The following NRG1 variants were observed in gnomAD, a reference collection of about 807,000 sequenced individuals.
NRG1 encodes the protein pro-neuregulin-1, membrane-bound isoform.
In NRG1, 18 loss-of-function variants were observed where a neutral mutation model predicts 63.8. The ratio of observed to expected loss-of-function variants is 0.28; its 90% CI spans 0.19 to 0.42. The LOEUF (loss-of-function observed/expected upper bound fraction) is 0.42, where lower values mean the gene tolerates loss of function less well. Among genes scored for constraint, NRG1 ranks in the 10% least tolerant of loss-of-function variants. NRG1 has a pLI of 1.00. For missense variants in NRG1, 762 were observed against 814.7 expected, an observed-to-expected ratio of 0.94 and a Z score of 0.79; for synonymous variants, 302 against 301.3, an observed-to-expected ratio of 1.00 and a Z score of -0.02.
chr8:31,680,401 C>T lies in NRG1; in HGVS notation c.37+40970C>T, dbSNP rs529975650. Among the ~76,000 whole-genome samples, 1,974 of 151,582 alleles carry T rather than the reference C, an allele frequency of 0.013. 61 individuals are homozygous for T. In the South Asian group the frequency reaches 0.14, roughly 11 times the overall value. On this transcript the variant is annotated intron_variant, in intron 1 of 10. Coordinates refer to the NRG1 transcript ENST00000519301. ...GTGAGATTATGCAGTGTTTGGTTTT[C>T]TGTTCTTGCGATAGTTTACTGAGAA...
chr8:32,117,105 G>T (rs1832831403), intron 1 of NRG1, among the ~76,000 whole-genome samples: 2 of 151,902 alleles, frequency 1.3e-5, no homozygotes, highest in Non-Finnish European at 2.9e-5. Context: ...TGATGCCATT[G>T]CACTCCAGCC....
At chr8:32,328,693 A>T (rs1335038612) in intron 1 of NRG1, among the ~76,000 whole-genome samples, 4 of 152,114 alleles carry the variant, frequency 2.6e-5, no homozygotes, top group Non-Finnish European at 5.9e-5. Flanking sequence ...ACTTGCCTTC[A>T]GTGTTCTTAG....
chr8:32,090,186 T>C (rs1828896469), intron 1 of NRG1, among the ~76,000 whole-genome samples: 1 of 152,210 alleles, frequency 6.6e-6, no homozygotes. Context: ...GAATCATACC[T>C]TACATAGATC....
At chr8:31,956,273 A>C (rs1007574467) in intron 1 of NRG1, among the ~76,000 whole-genome samples, 2 of 152,086 alleles carry the variant, frequency 1.3e-5, no homozygotes, top group South Asian at 4.1e-4. Context: ...AGGTAATGTG[A>C]ATGTGTAGGC....
chr8:32,190,664 A>G (rs575972726), intron 1 of NRG1, among the ~76,000 whole-genome samples: 1 of 152,190 alleles, frequency 6.6e-6, no homozygotes, highest in Non-Finnish European at 1.5e-5. Flanking sequence ...AGGCTTCCTG[A>G]TAATCCTTAT....
intron 1 of NRG1, among the ~76,000 whole-genome samples, chr8:32,093,060 AAG>A (rs1257802526): frequency 1.8e-4 from 28 of 152,330 alleles, no homozygotes; most frequent in Admixed American, 1.8e-3. Flanking sequence ...GGGGAAAAGA[AAG>A]AGAGATCAGA....
intron 1 of NRG1, among the ~76,000 whole-genome samples, chr8:31,649,437 G>T (rs1804626038): frequency 6.6e-6 from 1 of 152,148 alleles, no homozygotes. Flanking sequence ...GTAGTGGTGA[G>T]CAGTTTTTAT....
intron 3 of NRG1, among the ~76,000 whole-genome samples, chr8:32,609,560 TTCCTTCCTTCCTTCC>T (rs1845952551): frequency 2.6e-5 from 1 of 38,462 alleles, no homozygotes; most frequent in Admixed American, 3.0e-4. Context: ...CCCTCCTTCC[TTCCTTCCTTCCTTCC>T]TTCCTTCCTT....
intron 1 of NRG1, among the ~76,000 whole-genome samples, chr8:31,982,551 G>A (rs1809320049): frequency 6.6e-6 from 1 of 151,630 alleles, no homozygotes; most frequent in African/African-American, 2.4e-5. Context: ...TTAGAATTAA[G>A]AGGGATTTGG....
chr8:32,219,965 T>C (rs1845638236), intron 1 of NRG1, among the ~76,000 whole-genome samples: 1 of 152,106 alleles, frequency 6.6e-6, no homozygotes, highest in Non-Finnish European at 1.5e-5. Flanking sequence ...TCACCAAGAA[T>C]AGAAGAGACA....
chr8:32,633,401 GC>G (rs1401721670), intron 5 of NRG1, among the ~76,000 whole-genome samples: 23 of 152,130 alleles, frequency 1.5e-4, no homozygotes, highest in African/African-American at 5.5e-4. Context: ...ACCTCCAAAG[GC>G]CTCTTGCCTG....
At chr8:31,960,534 T>G (rs1368743200) in intron 1 of NRG1, among the ~76,000 whole-genome samples, 1 of 152,256 alleles carries the variant, frequency 6.6e-6, no homozygotes, top group Non-Finnish European at 1.5e-5. Context: ...AATTTTATTC[T>G]GCTCTTCTGA....
chr8:31,833,780 A>G (rs1344278777), intron 1 of NRG1, among the ~76,000 whole-genome samples: 1 of 152,124 alleles, frequency 6.6e-6, no homozygotes, highest in Non-Finnish European at 1.5e-5. Context: ...GTGTAAATAT[A>G]TACAATTTGT....
chr8:32,340,291 C>T (rs1803901839), intron 1 of NRG1, among the ~76,000 whole-genome samples: 1 of 152,148 alleles, frequency 6.6e-6, no homozygotes, highest in South Asian at 2.1e-4. Flanking sequence ...TCTCCTGGGG[C>T]AGGCTTAATG....
chr8:31,640,552 C>T lies in NRG1; in HGVS notation c.37+1121C>T. The T allele has an allele frequency of 6.2e-7, 1 of 1,611,814 alleles. No individual in the cohort carries two copies. Among genetic ancestry groups the T allele is most frequent in the Non-Finnish European group, 8.5e-7 (1 of 1,179,422 alleles). Reference sequence around the variant, plus strand: ...CACCGTGCGCCTGGGGACCTGGGGCCACCCCGCCTTCCCCTCCTGCGGGAG... The same window carrying T: ...CACCGTGCGCCTGGGGACCTGGGGCTACCCCGCCTTCCCCTCCTGCGGGAG... On this transcript the variant is annotated intron_variant, in intron 1 of 10. Transcript: ENST00000519301. This position sits in a 1 kb window ranked among gnomAD's most constrained non-coding sequence, Gnocchi z 6.3.
intron 1 of NRG1, among the ~76,000 whole-genome samples, chr8:32,403,409 C>A (rs1004922585): frequency 4.6e-5 from 7 of 152,038 alleles, no homozygotes; most frequent in African/African-American, 7.2e-5. Flanking sequence ...ACTACAATCC[C>A]ATGAAGTAGT....
chr8:32,093,621 G>A (rs1020939657), intron 1 of NRG1, among the ~76,000 whole-genome samples: 1 of 152,174 alleles, frequency 6.6e-6, no homozygotes, highest in Non-Finnish European at 1.5e-5. Flanking sequence ...TTGAGGAGAG[G>A]TGTTTCTGTT....
At chr8:32,362,044 T>C (rs1255380706) in intron 1 of NRG1, among the ~76,000 whole-genome samples, 2 of 152,154 alleles carry the variant, frequency 1.3e-5, no homozygotes, top group Admixed American at 6.5e-5. Context: ...AGTGACACCC[T>C]CCTCCAGATT....
intron 1 of NRG1, among the ~76,000 whole-genome samples, chr8:31,716,177 G>T (rs1339384246): frequency 6.6e-6 from 1 of 152,190 alleles, no homozygotes; most frequent in African/African-American, 2.4e-5. Context: ...ATTGTCCTCT[G>T]GAGCATATAC....
Sources: allele counts gnomAD v4.1 joint callset (sites outside exome capture counted in the v4.1 genomes callset), GRCh38; gene constraint gnomAD v4.1.1; non-coding constraint Gnocchi (gnomAD v3.1); transcripts MANE v1.5; gene names NCBI Gene and HGNC (gene_info 2026-07-23, HGNC 2026-07-21).